The following SGO2 variants were observed in gnomAD, a reference collection of about 807,000 sequenced individuals.
The protein encoded by SGO2 is shugoshin 2, also known as shugoshin-like 2.
In SGO2, 68 loss-of-function variants were observed where a neutral mutation model predicts 99.5. That is an observed-to-expected ratio of 0.68 (90% CI 0.56 to 0.84). The LOEUF (loss-of-function observed/expected upper bound fraction) is 0.84, where lower values mean the gene tolerates loss of function less well. SGO2 is among the 40% of genes least tolerant of loss of function. SGO2 has a pLI of 0.00. For missense variants in SGO2, 1,350 were observed against 1,436.7 expected (o/e 0.94, Z 0.97); for synonymous variants, 457 against 487.1 (o/e 0.94, Z 0.81).
chr2:200,529,122 C>T (rs1050356382), intron 1 of SGO2, among the ~76,000 whole-genome samples: 1 of 152,190 alleles, frequency 6.6e-6, no homozygotes, highest in Non-Finnish European at 1.5e-5. Context: ...ATAGACAACT[C>T]TCTAAAGGAG....
In SGO2 at chr2:200,572,089, A is replaced by T. The variant is rs1334724442; in HGVS notation, c.1743A>T (p.Leu581Phe). 1.9e-6 allele frequency: 3 copies of T among 1,613,508 alleles called. No homozygotes were observed. The highest frequency in any genetic ancestry group is 2.5e-6 in the Non-Finnish European group (3 of 1,179,624). ...TTTCCACCAAAGATAATGGAAATTT[A>T]TGTGATTATGGGACCCACAATATAT... is the stretch of plus-strand genomic sequence containing the variant. ...ANLSTKDNGN[L>F]CDYGTHNILD... Residue 581 changes from leucine (L) to phenylalanine (F), a missense_variant, in exon 7 of 9, where the codon TTA (leucine) becomes TTT (phenylalanine). Physicochemically the swap from Leu to Phe is conservative, Grantham distance 22. Transcript: ENST00000357799.
At chr2:200,560,584 T>C (rs1319938759) in intron 5 of SGO2, among the ~76,000 whole-genome samples, 1 of 152,164 alleles carries the variant, frequency 6.6e-6, no homozygotes, top group Non-Finnish European at 1.5e-5. Context: ...GTGGATTTTC[T>C]AATGCAAACT....
intron 5 of SGO2, among the ~76,000 whole-genome samples, chr2:200,555,487 AACAAG>A (rs1411478108): frequency 2.0e-5 from 3 of 152,200 alleles, no homozygotes; most frequent in Non-Finnish European, 4.4e-5. Context: ...AATGCTACGG[AACAAG>A]ACAGTACAAT....
At chr2:200,580,888 C>T (rs926275298) in intron 8 of SGO2, among the ~76,000 whole-genome samples, 1 of 152,104 alleles carries the variant, frequency 6.6e-6, no homozygotes. Context: ...GTGTCTTTTG[C>T]AATCAATTTT....
chr2:200,554,983 C>T (rs564273413), intron 5 of SGO2, among the ~76,000 whole-genome samples: 14 of 152,208 alleles, frequency 9.2e-5, no homozygotes, highest in Admixed American at 5.2e-4. Context: ...TATGGAAAGA[C>T]AGAATAATAC....
intron 8 of SGO2, among the ~76,000 whole-genome samples, chr2:200,578,631 C>T (rs1042649574): frequency 1.2e-4 from 19 of 152,336 alleles, no homozygotes; most frequent in African/African-American, 3.6e-4. Context: ...GCCTCCTTTA[C>T]AGCATGGCCA....
chr2:200,571,575 G>C lies in SGO2; in HGVS notation c.1229G>C (p.Arg410Thr). 6.2e-7 allele frequency: 1 copy of C among 1,612,128 alleles called. No homozygotes were observed. The highest frequency in any genetic ancestry group is 8.5e-7 in the Non-Finnish European group (1 of 1,179,472). ...AAAGATTCCAGCTCTGAAAAAAAGA[G>C]AGAAAGATCAAAGAGACAGTTTAAA... The part of the protein sequence containing the change: ...KVKDSSSEKK[R>T]ERSKRQFKNS... The change falls in exon 7 of 9, where the codon AGA becomes ACA. Residue 410 changes from arginine (R) to threonine (T), a missense_variant. By Grantham distance (71) the Arg-to-Thr change is moderately conservative (BLOSUM62 -1). Transcript: ENST00000357799.
rs1251761533 is a variant in SGO2 at position 200,571,715 on chromosome 2, C to T, written c.1369C>T (p.Leu457=). Residue 457 remains leucine, a synonymous_variant, in exon 7 of 9, where the codon CTG becomes TTG. Transcript: ENST00000357799. ...DPGFIFNNEQ[L]AQMNEQLAQV... ...CGGTTTTATTTTCAATAATGAACAG[C>T]TGGCTCAGATGAATGAACAGCTGGC... 1 of 1,613,294 alleles carries T rather than the reference C, an allele frequency of 6.2e-7. No homozygotes were observed. Among genetic ancestry groups the T allele is most frequent in the African/African-American group, 1.3e-5 (1 of 74,726 alleles).
chr2:200,558,297 T>C (rs1379538961), intron 5 of SGO2, among the ~76,000 whole-genome samples: 1 of 152,250 alleles, frequency 6.6e-6, no homozygotes, highest in Admixed American at 6.5e-5. Context: ...AATCAGATTA[T>C]GAAAGTTTCT....
chr2:200,533,053 A>C lies in SGO2; in HGVS notation c.78A>C (p.Ser26=). The change falls in exon 2 of 9, where the codon TCA becomes TCC. Residue 26 remains serine, a synonymous_variant. Coordinates refer to ENST00000357799, the MANE Select transcript of SGO2 (RefSeq NM_152524.6). ...IKRHLKDKRI[S]KTTKLNVSLA... ...GACATTTGAAAGACAAAAGAATTTC[A>C]AAGACTACTAAGTTGAATGTTTCTC... 6.2e-7 allele frequency: 1 copy of C among 1,604,548 alleles called. No individual in the cohort carries two copies. Among genetic ancestry groups the C allele is most frequent in the Non-Finnish European group, 8.5e-7 (1 of 1,177,548 alleles).
chr2:200,544,374 C>T (rs369851623), intron 5 of SGO2, among the ~76,000 whole-genome samples: 34 of 152,272 alleles, frequency 2.2e-4, no homozygotes, highest in Non-Finnish European at 3.7e-4. Context: ...CTCCACCTGC[C>T]GGGTTCAAGT....
At chr2:200,534,187 A>ATT (rs2031577566) in intron 2 of SGO2, among the ~76,000 whole-genome samples, 2 of 152,188 alleles carry the variant, frequency 1.3e-5, no homozygotes, top group African/African-American at 4.8e-5. Flanking sequence ...TCAGTGGCAT[A>ATT]TGTTATTGAA....
At position 200,572,411 on chromosome 2, in the gene SGO2, T is replaced by C. The variant is rs749782207; in HGVS notation, c.2065T>C (p.Leu689=). 1.2e-6 allele frequency: 2 copies of C among 1,613,526 alleles called. No homozygotes were observed. Among genetic ancestry groups the C allele is most frequent in the South Asian group, 2.2e-5 (2 of 91,058 alleles). The stretch of plus-strand genomic sequence containing the variant: ...ATGTGACTATAGGACCCAGAATGTG[T>C]TGGGTTTGCAAAAGCAGATCACCAA... The part of the protein sequence containing the change: ...NQCDYRTQNV[L]GLQKQITNMY... The change falls in exon 7 of 9, where the codon TTG becomes CTG. Residue 689 remains leucine (L), a synonymous_variant. Coordinates refer to ENST00000357799, the MANE Select transcript of SGO2 (RefSeq NM_152524.6).
intron 1 of SGO2, among the ~76,000 whole-genome samples, chr2:200,532,103 G>A (rs907363790): frequency 2.0e-4 from 31 of 151,984 alleles, no homozygotes; most frequent in Admixed American, 5.9e-4. Flanking sequence ...TAGGGGATTC[G>A]AGTGAGGGGA....
Position 200,573,444 on chromosome 2 carries a change from A to G in SGO2, c.3098A>G (p.Asp1033Gly), listed in dbSNP as rs949118487. 1 of 1,609,968 alleles carries G rather than the reference A, an allele frequency of 6.2e-7. No homozygotes were observed. Among genetic ancestry groups the G allele is most frequent in the South Asian group, 1.1e-5 (1 of 89,758 alleles). Residue 1033 changes from aspartate (D) to glycine (G), a missense_variant, in exon 7 of 9, where the codon GAT (aspartate) becomes GGT (glycine). Asp to Gly is a moderately conservative substitution (Grantham distance 94). Transcript: ENST00000357799. ...LKHITSEADS[D>G]PGNPVELCKT... is the part of the protein sequence containing the mutation. ...CATATTACTAGTGAAGCAGATTCTGATCCAGGAAACCCAGTTGAACTATGT... is the reference window on the plus strand; with the variant it reads ...CATATTACTAGTGAAGCAGATTCTGGTCCAGGAAACCCAGTTGAACTATGT...
rs1401022330 is a variant in SGO2 at position 200,572,889 on chromosome 2, A to G, written c.2543A>G (p.Asp848Gly). 1.9e-6 allele frequency: 3 copies of G among 1,592,026 alleles called. No individual in the cohort carries two copies. ...AACTTCTTCTCTCTAACCCCAAAGG[A>G]TAAAGAAACAATTTCTGAAAATCTA... ...KDNFFSLTPK[D>G]KETISENLQV... The change falls in exon 7 of 9, where the codon GAT becomes GGT. Residue 848 changes from aspartate (D) to glycine (G), a missense_variant. Coordinates refer to ENST00000357799, the MANE Select transcript of SGO2 (RefSeq NM_152524.6).
chr2:200,562,314 A>G (rs1275116304), intron 5 of SGO2, among the ~76,000 whole-genome samples: 1 of 152,118 alleles, frequency 6.6e-6, no homozygotes, highest in Non-Finnish European at 1.5e-5. Flanking sequence ...TAAATAGGGA[A>G]TCCTTTCCCC....
chr2:200,543,692 A>C (rs1013783898), intron 5 of SGO2: 2 of 152,184 alleles, frequency 1.3e-5, no homozygotes, highest in African/African-American at 4.8e-5. Context: ...TTACCATTTC[A>C]TACCAGTACA....
At chr2:200,576,224 T>G (rs1291322329) in intron 8 of SGO2, 1 of 209,284 alleles carries the variant, frequency 4.8e-6, no homozygotes, top group East Asian at 1.3e-4. Context: ...GCCTTTTTTT[T>G]TTCTTTTTTC....
Sources: gnomAD v4.1 joint callset for allele counts (sites outside exome capture counted in the v4.1 genomes callset) on GRCh38, gnomAD v4.1.1 for gene constraint, MANE v1.5 for transcripts, NCBI Gene and HGNC (gene_info 2026-07-23, HGNC 2026-07-21) for gene names.